Variants in PDE10A observed in about 807,000 individuals in gnomAD.
PDE10A encodes cAMP and cAMP-inhibited cGMP 3',5'-cyclic phosphodiesterase 10A.
In PDE10A, 39 loss-of-function variants were observed where a neutral mutation model predicts 97.7. The observed-to-expected ratio is 0.40, with a 90% CI of 0.31 to 0.52. The LOEUF is 0.52. PDE10A is among the 20% of genes least tolerant of loss of function. The probability of loss-of-function intolerance (pLI) is 0.56; values close to 1 mark genes in which losing one functional copy is unlikely to be tolerated. For synonymous variants in PDE10A, 371 were observed against 376.8 expected (o/e 0.98, Z 0.18); for missense variants, 731 against 1,047.8 (o/e 0.70, Z 4.17).
upstream of PDE10A, among the ~76,000 whole-genome samples, chr6:165,664,361 C>G (rs1486952947): frequency 1.3e-5 from 2 of 152,156 alleles, no homozygotes; most frequent in Non-Finnish European, 2.9e-5. Flanking sequence ...CAAACTCCCC[C>G]CAATGGAAAA....
chr6:165,584,472 G>A (rs997396080), intron 1 of PDE10A, among the ~76,000 whole-genome samples: 3 of 152,090 alleles, frequency 2.0e-5, no homozygotes, highest in Non-Finnish European at 4.4e-5. Context: ...GCAGTGAAAT[G>A]CACCCCTCAT....
Position 165,328,462 on chromosome 6 carries a change from C to T in PDE10A, c.*4563G>A, listed in dbSNP as rs1781165329. 1 of 152,202 alleles carries T rather than the reference C, an allele frequency of 6.6e-6. No homozygotes were observed. The allele number at this position is 152,202 out of a possible 1,614,324, so 9.4% of individuals were successfully genotyped here. A position where few individuals can be genotyped will look rare whatever the true frequency, so the allele number is the denominator to read the frequency against. ...AAACTGACTTCCCTACTTAGTAAGC[C>T]CTGGATTCAGCTGTAAGTTTCCACC... On this transcript the variant is annotated 3_prime_UTR_variant, in exon 22 of 22. Coordinates refer to ENST00000539869, the MANE Select transcript of PDE10A (RefSeq NM_001385079.1).
intron 1 of PDE10A, chr6:165,576,546 A>G (rs2128350020): frequency 1.4e-6 from 1 of 714,620 alleles, no homozygotes; most frequent in East Asian, 2.5e-5. Flanking sequence ...GCTTCTAAAC[A>G]AAAACAAAAC....
intron 1 of PDE10A, among the ~76,000 whole-genome samples, chr6:165,979,854 C>A (rs1784958882): frequency 6.6e-6 from 1 of 152,206 alleles, no homozygotes; most frequent in South Asian, 2.1e-4. Context: ...ATACCAATTA[C>A]AATTCTCACA....
At chr6:165,554,663 T>C (rs1583529334) in intron 1 of PDE10A, among the ~76,000 whole-genome samples, 1 of 152,254 alleles carries the variant, frequency 6.6e-6, no homozygotes, top group East Asian at 1.9e-4. Flanking sequence ...CACTGCTGGG[T>C]ATATACCCAA....
chr6:165,557,555 A>G (rs1324870986), intron 1 of PDE10A, among the ~76,000 whole-genome samples: 2 of 152,216 alleles, frequency 1.3e-5, no homozygotes, highest in Non-Finnish European at 2.9e-5. Context: ...AAAAATCATG[A>G]TATTCATATG....
chr6:165,539,186 G>T (rs186146768), intron 2 of PDE10A, among the ~76,000 whole-genome samples: 204 of 152,222 alleles, frequency 1.3e-3, no homozygotes, highest in African/African-American at 4.6e-3. Flanking sequence ...ATGGTGGTTT[G>T]GAATTTAGGT....
intron 1 of PDE10A, among the ~76,000 whole-genome samples, chr6:165,735,272 A>G (rs912451078): frequency 2.7e-5 from 4 of 150,568 alleles, no homozygotes; most frequent in African/African-American, 4.9e-5. Context: ...GGTAGATAGT[A>G]GGTCAGTTGG....
intron 2 of PDE10A, among the ~76,000 whole-genome samples, chr6:165,492,037 A>C (rs970142611): frequency 2.0e-5 from 3 of 152,180 alleles, no homozygotes; most frequent in Non-Finnish European, 2.9e-5. Flanking sequence ...ATTACAAACA[A>C]CACCACACAA....
At chr6:165,629,085 G>A (rs1562643162) in intron 1 of PDE10A, among the ~76,000 whole-genome samples, 2 of 151,952 alleles carry the variant, frequency 1.3e-5, no homozygotes, top group Non-Finnish European at 1.5e-5. Flanking sequence ...GTGGGTAGAT[G>A]GTGTGGGAGG....
At chr6:165,346,083 G>C (rs534221589) in intron 18 of PDE10A, among the ~76,000 whole-genome samples, 26 of 152,332 alleles carry the variant, frequency 1.7e-4, no homozygotes, top group Non-Finnish European at 2.9e-4. Flanking sequence ...AGACAAGATA[G>C]GAGTTTAACT....
chr6:165,644,441 C>T (rs545728703), intron 1 of PDE10A, among the ~76,000 whole-genome samples: 7 of 152,130 alleles, frequency 4.6e-5, no homozygotes, highest in Non-Finnish European at 1.0e-4. Context: ...AGTGGGTGTG[C>T]CCATAGGAAG....
intron 1 of PDE10A, among the ~76,000 whole-genome samples, chr6:165,646,436 C>T (rs1396892125): frequency 8.5e-5 from 13 of 152,290 alleles, no homozygotes; most frequent in Admixed American, 7.8e-4. Context: ...ATTCAATAAA[C>T]TGACATTTGT....
chr6:165,365,323 A>C (rs1783702237), intron 18 of PDE10A, among the ~76,000 whole-genome samples: 1 of 152,216 alleles, frequency 6.6e-6, no homozygotes, highest in African/African-American at 2.4e-5. Context: ...ATTGACCAAG[A>C]GATGGAATAA....
intron 1 of PDE10A, among the ~76,000 whole-genome samples, chr6:165,709,304 G>A (rs1490884387): frequency 3.1e-5 from 3 of 95,766 alleles, no homozygotes; most frequent in Admixed American, 1.2e-4. Flanking sequence ...ACCATGCTGC[G>A]GCGCTCTCCC....
At chr6:165,685,204 G>A (rs970234276) in intron 1 of PDE10A, among the ~76,000 whole-genome samples, 1 of 152,116 alleles carries the variant, frequency 6.6e-6, no homozygotes, top group Non-Finnish European at 1.5e-5. Context: ...TAAGAATATA[G>A]TAAACAATCC....
At chr6:165,414,898 TC>T (rs1412730436) in intron 12 of PDE10A, among the ~76,000 whole-genome samples, 1 of 152,216 alleles carries the variant, frequency 6.6e-6, no homozygotes, top group East Asian at 1.9e-4. Flanking sequence ...AGGTCTCATG[TC>T]AACTACATCT....
intron 13 of PDE10A, among the ~76,000 whole-genome samples, chr6:165,404,395 C>T (rs1168574930): frequency 3.3e-5 from 5 of 152,062 alleles, no homozygotes; most frequent in African/African-American, 9.6e-5. Flanking sequence ...AAAAAGAAGC[C>T]TTGTCTCTAC....
At chr6:165,713,718 G>A (rs951269469) in intron 1 of PDE10A, among the ~76,000 whole-genome samples, 2 of 152,226 alleles carry the variant, frequency 1.3e-5, no homozygotes, top group African/African-American at 4.8e-5. Flanking sequence ...TCTGTGTGTA[G>A]TGTGTCTGAG....
Sources: allele counts gnomAD v4.1 joint callset (sites outside exome capture counted in the v4.1 genomes callset), GRCh38; gene constraint gnomAD v4.1.1; transcripts MANE v1.5; gene names NCBI Gene and HGNC (gene_info 2026-07-23, HGNC 2026-07-21).